The following KALRN variants were observed in gnomAD, a reference collection of about 807,000 sequenced individuals.
The protein encoded by KALRN is kalirin RhoGEF kinase.
KALRN carries 70 observed loss-of-function variants against 353.7 expected under a neutral mutation model. That is an observed-to-expected ratio of 0.20 (90% CI 0.16 to 0.24). The LOEUF (loss-of-function observed/expected upper bound fraction) is 0.24, where lower values mean the gene tolerates loss of function less well. Ranked by LOEUF, KALRN falls within the 10% of genes least tolerant of loss-of-function variation. The pLI, the probability that KALRN is intolerant of heterozygous loss-of-function variation, is 1.00. For synonymous variants in KALRN, 1,391 were observed against 1,434.8 expected, an observed-to-expected ratio of 0.97 and a Z score of 0.69; for missense variants, 2,791 against 3,756.7, an observed-to-expected ratio of 0.74 and a Z score of 6.72.
At chr3:124,394,702 A>C (rs185280369) in intron 11 of KALRN, among the ~76,000 whole-genome samples, 1 of 152,316 alleles carries the variant, frequency 6.6e-6, no homozygotes, top group East Asian at 1.9e-4. Context: ...TGACCACCAC[A>C]TTCTTTGTGT....
chr3:124,372,511 TATC>T (rs2085975958), intron 10 of KALRN, among the ~76,000 whole-genome samples: 1 of 151,902 alleles, frequency 6.6e-6, no homozygotes, highest in Non-Finnish European at 1.5e-5. Flanking sequence ...GCATAATCAT[TATC>T]ATTATCAGTA....
chr3:124,495,961 G>GTATATATATATATATATATA (rs1247326841), intron 32 of KALRN, among the ~76,000 whole-genome samples: 1 of 37,894 alleles, frequency 2.6e-5, no homozygotes, highest in African/African-American at 1.0e-4. Flanking sequence ...GTATGTGTAT[G>GTATATATATATATATATATA]TATGTATATA....
At chr3:124,395,439 G>T (rs896742413) in intron 12 of KALRN, 96 bp downstream of exon 12, 1 of 1,015,372 alleles carries the variant, frequency 9.8e-7, no homozygotes, top group Admixed American at 2.1e-5. Context: ...TTGCTTTGTG[G>T]TCTTGTGTGA....
chr3:124,394,391 T>A (rs915519963), intron 11 of KALRN, among the ~76,000 whole-genome samples: 5 of 152,214 alleles, frequency 3.3e-5, no homozygotes, highest in South Asian at 2.1e-4. Context: ...GTATTCAGTA[T>A]GATGAGGAAA....
chr3:124,679,142 C>G (rs746493703), intron 50 of KALRN, among the ~76,000 whole-genome samples: 26 of 152,198 alleles, frequency 1.7e-4, no homozygotes, highest in Non-Finnish European at 3.4e-4. Context: ...ATTGTATACT[C>G]TCCTTCACTC....
intron 1 of KALRN, chr3:124,164,072 AG>A: frequency 1.5e-6 from 1 of 682,276 alleles, no homozygotes; most frequent in Non-Finnish European, 1.8e-6. Context: ...CACTGCATCC[AG>A]ATTGGACAGT....
At chr3:124,161,450 A>T (rs142590470) in intron 1 of KALRN, among the ~76,000 whole-genome samples, 1 of 152,290 alleles carries the variant, frequency 6.6e-6, no homozygotes, top group African/African-American at 2.4e-5. Context: ...ATGATCTGAG[A>T]TCGCTTCTCC....
intron 7 of KALRN, among the ~76,000 whole-genome samples, chr3:124,329,172 C>T (rs2080244193): frequency 6.6e-6 from 1 of 152,164 alleles, no homozygotes; most frequent in East Asian, 1.9e-4. Flanking sequence ...CATAGTCTTC[C>T]ACAGTTGTTA....
At chr3:124,450,744 G>T (rs2058694530) in intron 21 of KALRN, among the ~76,000 whole-genome samples, 1 of 152,012 alleles carries the variant, frequency 6.6e-6, no homozygotes, top group Admixed American at 6.6e-5. Flanking sequence ...TGTATTTTTA[G>T]TAGAGACAGG....
chr3:124,517,656 C>T (rs190319859), intron 33 of KALRN, among the ~76,000 whole-genome samples: 1 of 152,288 alleles, frequency 6.6e-6, no homozygotes, highest in African/African-American at 2.4e-5. Flanking sequence ...AGCTGGGTCT[C>T]CAGCTTGGCT....
Position 124,228,504 on chromosome 3 carries a change from T to C in KALRN, c.148+440T>C, listed in dbSNP as rs531070575. On this transcript the variant is annotated intron_variant, in intron 2 of 59. Coordinates refer to ENST00000682506, the MANE Select transcript of KALRN (RefSeq NM_001388419.1). ...GGGTTCATGTTTAGATGTTTAGTTT[T>C]TGTTTTTTTCTGAATAATGACTTCC... Among the ~76,000 whole-genome samples the C allele has an allele frequency of 5.3e-5, 8 of 152,352 alleles. No individual in the cohort carries two copies. The East Asian group carries it at 1.5e-3, about 29-fold the overall frequency.
chr3:124,328,336 C>G (rs1459288427), intron 7 of KALRN, among the ~76,000 whole-genome samples: 1 of 152,066 alleles, frequency 6.6e-6, no homozygotes, highest in Non-Finnish European at 1.5e-5. Flanking sequence ...CAAGGTTTGC[C>G]CAGATTGGTA....
chr3:124,682,692 A>G (rs753557546), intron 51 of KALRN, among the ~76,000 whole-genome samples: 2 of 152,188 alleles, frequency 1.3e-5, no homozygotes, highest in Non-Finnish European at 2.9e-5. Context: ...TTGTCCCACC[A>G]TGGTGTTTTG....
chr3:124,331,473 A>G (rs1404412659), intron 8 of KALRN, among the ~76,000 whole-genome samples: 1 of 152,240 alleles, frequency 6.6e-6, no homozygotes, highest in African/African-American at 2.4e-5. Flanking sequence ...AATTTAAAAA[A>G]ATAAAATGAA....
intron 23 of KALRN, among the ~76,000 whole-genome samples, chr3:124,460,922 G>C (rs1399485003): frequency 1.3e-5 from 2 of 152,104 alleles, no homozygotes; most frequent in Non-Finnish European, 2.9e-5. Context: ...TCTCTTTATG[G>C]GGGACTGAGA....
At chr3:124,509,736 T>C (rs1040776398) in intron 33 of KALRN, among the ~76,000 whole-genome samples, 2 of 152,252 alleles carry the variant, frequency 1.3e-5, no homozygotes, top group African/African-American at 4.8e-5. Flanking sequence ...AAAAAGGTAC[T>C]AAATTTGTTG....
chr3:124,307,430 C>A (rs893362902), intron 6 of KALRN, among the ~76,000 whole-genome samples: 1 of 151,854 alleles, frequency 6.6e-6, no homozygotes, highest in African/African-American at 2.4e-5. Flanking sequence ...ATACTTATAA[C>A]AATCTAATGT....
At chr3:124,379,267 A>G (rs1381290939) in intron 10 of KALRN, among the ~76,000 whole-genome samples, 4 of 152,120 alleles carry the variant, frequency 2.6e-5, no homozygotes, top group African/African-American at 9.7e-5. Context: ...ATCTGAACAT[A>G]TGGAATACAA....
At chr3:124,247,117 C>A (rs183333013) in intron 3 of KALRN, among the ~76,000 whole-genome samples, 30 of 152,210 alleles carry the variant, frequency 2.0e-4, no homozygotes, top group Non-Finnish European at 3.4e-4. Flanking sequence ...CTCTATGTTA[C>A]GACACTTCAG....
Sources: allele counts gnomAD v4.1 joint callset (sites outside exome capture counted in the v4.1 genomes callset), GRCh38; gene constraint gnomAD v4.1.1; transcripts MANE v1.5; gene names NCBI Gene and HGNC (gene_info 2026-07-23, HGNC 2026-07-21).